SPOP: variants seen among roughly 807,000 people sequenced by gnomAD.
SPOP encodes the protein speckle-type POZ protein.
Under a neutral mutation model 45.6 loss-of-function variants are expected in SPOP, and 11 were observed. The ratio of observed to expected loss-of-function variants is 0.24; its 90% CI spans 0.15 to 0.40. The LOEUF (loss-of-function observed/expected upper bound fraction) is 0.40, where lower values mean the gene tolerates loss of function less well. Among genes scored for constraint, SPOP ranks in the 10% least tolerant of loss-of-function variants. SPOP has a pLI of 1.00. For synonymous variants in SPOP, 166 were observed against 166.3 expected (o/e 1.00, Z 0.01); for missense variants, 152 against 465.6 (o/e 0.33, Z 6.20).
intron 6 of SPOP, 105 bp from the exon 7 acceptor site, chr17:49,608,034 T>C (rs2071887980): frequency 2.1e-6 from 2 of 944,166 alleles, no homozygotes; most frequent in Non-Finnish European, 3.2e-6. Context: ...CCTACTGCTA[T>C]AGGAAAGGTC....
chr17:49,629,811 G>T (rs902646873), intron 1 of SPOP, among the ~76,000 whole-genome samples: 11 of 152,170 alleles, frequency 7.2e-5, no homozygotes, highest in African/African-American at 2.7e-4. Flanking sequence ...AGTTAACAGA[G>T]AGAGAGGCAT....
chr17:49,648,023 T>A (rs189879615), intron 1 of SPOP, among the ~76,000 whole-genome samples: 111 of 152,302 alleles, frequency 7.3e-4, no homozygotes, highest in African/African-American at 2.5e-3. Context: ...AACTGGCACC[T>A]CTTCAACTCA....
At chr17:49,666,796 T>C (rs918176655) in intron 1 of SPOP, among the ~76,000 whole-genome samples, 8 of 151,752 alleles carry the variant, frequency 5.3e-5, no homozygotes, top group African/African-American at 1.9e-4. Context: ...CCACTGCAAC[T>C]CCAGCCTGGG....
chr17:49,615,018 C>A (rs550780066), intron 5 of SPOP, among the ~76,000 whole-genome samples: 1 of 151,988 alleles, frequency 6.6e-6, no homozygotes, highest in Non-Finnish European at 1.5e-5. Context: ...GCCATCATAC[C>A]TGGCTAATTT....
intron 5 of SPOP, among the ~76,000 whole-genome samples, 168 bp downstream of exon 5, chr17:49,618,813 C>T (rs2072146608): frequency 6.6e-6 from 1 of 152,150 alleles, no homozygotes; most frequent in African/African-American, 2.4e-5. Context: ...AGATGCCCAA[C>T]AACCTTGAAA....
chr17:49,634,742 C>T (rs942924571), intron 1 of SPOP, among the ~76,000 whole-genome samples: 1 of 152,170 alleles, frequency 6.6e-6, no homozygotes, highest in African/African-American at 2.4e-5. Flanking sequence ...ATACTTCAGC[C>T]AAGCCATTTA....
chr17:49,621,896 A>C (rs763407485), intron 3 of SPOP, 50 bp downstream of exon 3: 1 of 1,600,974 alleles, frequency 6.2e-7, no homozygotes, highest in Admixed American at 1.7e-5. Context: ...AAACCAAACA[A>C]AACAGACAAC....
At chr17:49,618,890 C>T in intron 5 of SPOP, 91 bp downstream of exon 5, 1 of 1,461,720 alleles carries the variant, frequency 6.8e-7, no homozygotes, top group South Asian at 1.4e-5. Flanking sequence ...GGGGCTTTTT[C>T]TTACTCTACA....
At chr17:49,607,163 C>G (rs1168886245) in intron 8 of SPOP, 87 bp downstream of exon 8, 2 of 1,568,418 alleles carry the variant, frequency 1.3e-6, no homozygotes, top group Non-Finnish European at 8.7e-7. Context: ...GCTCATTTTA[C>G]CCACAATGCA....
intron 1 of SPOP, among the ~76,000 whole-genome samples, chr17:49,655,490 G>A (rs1274926858): frequency 6.6e-6 from 1 of 151,514 alleles, no homozygotes; most frequent in Non-Finnish European, 1.5e-5. Flanking sequence ...CAACCTGGGC[G>A]ACAGAGCGAG....
Position 49,633,858 on chromosome 17 carries a change from G to C in SPOP, c.-66-10982C>G, listed in dbSNP as rs193028886. Reference sequence around the variant, plus strand: ...AACACATCCACATAACAACATCAGAGGAAAAAATTCCTCTGTCTCCATTTG... The same window carrying C: ...AACACATCCACATAACAACATCAGACGAAAAAATTCCTCTGTCTCCATTTG... On this transcript the variant is annotated intron_variant, in intron 1 of 9. Transcript: ENST00000504102. Among the ~76,000 whole-genome samples the C allele has an allele frequency of 2.0e-3, 302 of 152,088 alleles. 1 individual carries two copies. Among genetic ancestry groups the C allele is most frequent in the African/African-American group, 7.1e-3 (294 of 41,480 alleles).
chr17:49,614,881 C>G (rs1210282899), intron 5 of SPOP, among the ~76,000 whole-genome samples: 1 of 151,384 alleles, frequency 6.6e-6, no homozygotes, highest in Admixed American at 6.6e-5. Flanking sequence ...GAGACAGGGT[C>G]TCCCTCTGTT....
intron 1 of SPOP, among the ~76,000 whole-genome samples, chr17:49,634,718 C>A (rs1475143683): frequency 2.0e-5 from 3 of 152,184 alleles, no homozygotes; most frequent in African/African-American, 7.2e-5. Flanking sequence ...ACAGGCAGTT[C>A]TCTTTGGCCA....
At chr17:49,641,736 T>C (rs1167090597) in intron 1 of SPOP, among the ~76,000 whole-genome samples, 2 of 152,094 alleles carry the variant, frequency 1.3e-5, no homozygotes, top group East Asian at 1.9e-4. Context: ...AAATGTGTAA[T>C]AGTGGCCAGG....
intron 1 of SPOP, among the ~76,000 whole-genome samples, chr17:49,663,212 T>G (rs184181888): frequency 8.5e-4 from 130 of 152,310 alleles, no homozygotes; most frequent in African/African-American, 2.9e-3. Context: ...AGCCATGGCA[T>G]GAGATTCTCA....
chr17:49,621,879 T>C, intron 3 of SPOP, 67 bp downstream of exon 3: 1 of 1,543,996 alleles, frequency 6.5e-7, no homozygotes. Context: ...CTTGTCAGTG[T>C]CCCATAAAAC....
chr17:49,619,484 AG>A lies in SPOP; in HGVS notation c.201-100del. On this transcript the variant is annotated intron_variant, in intron 3 of 9. Coordinates refer to ENST00000504102, the MANE Select transcript of SPOP (RefSeq NM_001007228.2). The surrounding 1 kb of genome is among the most constrained non-coding windows in gnomAD (Gnocchi z 4.9). ...AGGGAGATGTTTAAAAAACAAATGCAGGCCCCATAGAAGAATATAATTCAGT... is the reference window on the plus strand; with the variant it reads ...AGGGAGATGTTTAAAAAACAAATGCAGCCCCATAGAAGAATATAATTCAGT... The A allele has an allele frequency of 7.7e-7, 1 of 1,293,294 alleles. No homozygotes were observed. Among genetic ancestry groups the A allele is most frequent in the South Asian group, 1.5e-5 (1 of 67,002 alleles). 80.1% of individuals were successfully genotyped at this position (1,293,294 alleles called of 1,614,324 possible). A position where few individuals can be genotyped will look rare whatever the true frequency, so the allele number is the denominator to read the frequency against.
At position 49,661,698 on chromosome 17, in the gene SPOP, T is replaced by C. The variant is rs115395537; in HGVS notation, c.-67+16235A>G. Among the ~76,000 whole-genome samples the C allele has an allele frequency of 3.8e-3, 579 of 152,346 alleles. 1 individual carries two copies. The highest frequency in any genetic ancestry group is 0.013 in the African/African-American group (551 of 41,584). ...TAAAAAGAAAAGTCAGTTAACACTA[T>C]TCCCTTCCCTTCTCTACCATAAAAC... On this transcript the variant is annotated intron_variant, in intron 1 of 9. Coordinates refer to ENST00000504102, the MANE Select transcript of SPOP (RefSeq NM_001007228.2).
At chr17:49,674,458 G>C (rs1312804769) in intron 1 of SPOP, among the ~76,000 whole-genome samples, 1 of 152,190 alleles carries the variant, frequency 6.6e-6, no homozygotes, top group African/African-American at 2.4e-5. Context: ...TGTCCAGAAA[G>C]TTATCCATTT....
Sources: gnomAD v4.1 joint callset for allele counts (sites outside exome capture counted in the v4.1 genomes callset) on GRCh38, gnomAD v4.1.1 for gene constraint, Gnocchi (gnomAD v3.1) non-coding constraint, MANE v1.5 for transcripts, NCBI Gene and HGNC (gene_info 2026-07-23, HGNC 2026-07-21) for gene names.